The following ESYT3 variants were observed in gnomAD, a reference collection of about 807,000 sequenced individuals.
ESYT3 encodes extended synaptotagmin 3, also known as extended synaptotagmin-3.
ESYT3 carries 101 observed loss-of-function variants against 111.5 expected under a neutral mutation model. The ratio of observed to expected loss-of-function variants is 0.91; its 90% CI spans 0.77 to 1.07. ESYT3 has a LOEUF of 1.07. ESYT3 is among the 50% of genes least tolerant of loss of function. The pLI, the probability that ESYT3 is intolerant of heterozygous loss-of-function variation, is 0.00. For synonymous variants in ESYT3, 416 were observed against 446.8 expected (o/e 0.93, Z 0.87); for missense variants, 1,097 against 1,109.4 (o/e 0.99, Z 0.16).
chr3:138,481,046 A>AT (rs1381797370), downstream of ESYT3: 1 of 152,250 alleles, frequency 6.6e-6, no homozygotes, highest in African/African-American at 2.4e-5. Flanking sequence ...AAAATACGAA[A>AT]TGGTCCTTTA....
At chr3:138,469,924 C>A in intron 15 of ESYT3, 136 bp from the exon 16 acceptor site, 1 of 618,250 alleles carries the variant, frequency 1.6e-6, no homozygotes, top group Non-Finnish European at 2.7e-6. Flanking sequence ...CTAGCTGTAG[C>A]GTGTTTGGGT....
intron 7 of ESYT3, among the ~76,000 whole-genome samples, chr3:138,461,871 G>A (rs1445254434): frequency 6.6e-6 from 1 of 152,134 alleles, no homozygotes; most frequent in Non-Finnish European, 1.5e-5. Flanking sequence ...AGTTGGGGAC[G>A]TGTAGGTGGG....
chr3:138,438,725 C>T (rs983551872), intron 1 of ESYT3, among the ~76,000 whole-genome samples: 1 of 152,174 alleles, frequency 6.6e-6, no homozygotes, highest in African/African-American at 2.4e-5. Flanking sequence ...TCATTTTGGC[C>T]CTGATGTCTG....
chr3:138,467,118 T>C (rs2032967319), intron 10 of ESYT3, among the ~76,000 whole-genome samples: 2 of 152,060 alleles, frequency 1.3e-5, no homozygotes, highest in South Asian at 4.2e-4. Context: ...TGGGGTAGAT[T>C]TGGAAATGAA....
chr3:138,446,054 G>C (rs1344592365), intron 1 of ESYT3, among the ~76,000 whole-genome samples: 2 of 152,194 alleles, frequency 1.3e-5, no homozygotes, highest in Non-Finnish European at 2.9e-5. Context: ...ACTAGTCTCT[G>C]AGTCTCCTCA....
chr3:138,451,757 C>T (rs1207410947), intron 1 of ESYT3, among the ~76,000 whole-genome samples: 1 of 152,242 alleles, frequency 6.6e-6, no homozygotes, highest in East Asian at 1.9e-4. Context: ...AACGCCCACG[C>T]GAGCCTTGGA....
At chr3:138,436,288 T>C (rs2030681409) in intron 1 of ESYT3, among the ~76,000 whole-genome samples, 1 of 152,226 alleles carries the variant, frequency 6.6e-6, no homozygotes, top group South Asian at 2.1e-4. Context: ...CTGCGGCCTC[T>C]GCTGGCTTGC....
chr3:138,443,774 G>C (rs2031338887), intron 1 of ESYT3, among the ~76,000 whole-genome samples: 1 of 149,598 alleles, frequency 6.7e-6, no homozygotes, highest in African/African-American at 2.5e-5. Flanking sequence ...TGCTCCATGG[G>C]AGAGCTGCCA....
rs557109491 is a variant in ESYT3 at position 138,463,091 on chromosome 3, G to A, written c.915+885G>A. Among the ~76,000 whole-genome samples the A allele has an allele frequency of 2.2e-4, 33 of 152,034 alleles. No individual in the cohort carries two copies. In the South Asian group the frequency reaches 6.7e-3, roughly 31 times the overall value. ...TTCCCCAGCATGCTTTTTTTTGGGC[G>A]GTGGGTGTGAAGGGAGGTGGTGGCG... On this transcript the variant is annotated intron_variant, in intron 8 of 22. Coordinates refer to ENST00000389567, the MANE Select transcript of ESYT3 (RefSeq NM_031913.5).
At chr3:138,475,869 T>G (rs927247019) in intron 20 of ESYT3, among the ~76,000 whole-genome samples, 2 of 152,180 alleles carry the variant, frequency 1.3e-5, no homozygotes, top group African/African-American at 4.8e-5. Flanking sequence ...GAGGTTGCGG[T>G]GAGCCAAGAT....
At chr3:138,443,641 C>T (rs1560212053) in intron 1 of ESYT3, among the ~76,000 whole-genome samples, 1 of 152,116 alleles carries the variant, frequency 6.6e-6, no homozygotes, top group African/African-American at 2.4e-5. Context: ...TTTTAGGAAA[C>T]TGTGTGTGTC....
At chr3:138,480,645 T>A (rs1200734604), downstream of ESYT3, 6 of 152,208 alleles carry the variant, frequency 3.9e-5, no homozygotes, top group Admixed American at 1.3e-4. Flanking sequence ...TAAAACTTTT[T>A]AAATAAATGT....
intron 5 of ESYT3, 100 bp downstream of exon 5, chr3:138,459,353 G>T: frequency 1.1e-6 from 1 of 933,874 alleles, no homozygotes; most frequent in Non-Finnish European, 1.6e-6. Flanking sequence ...AGAAGGTGGT[G>T]GCAACACTAA....
At chr3:138,470,169 G>C in intron 16 of ESYT3, 23 bp downstream of exon 16, 1 of 1,607,806 alleles carries the variant, frequency 6.2e-7, no homozygotes, top group South Asian at 1.1e-5. Context: ...AAGGGCTCTT[G>C]AAACAGAGTT....
chr3:138,446,660 C>A (rs771395478), intron 1 of ESYT3, among the ~76,000 whole-genome samples: 24 of 152,054 alleles, frequency 1.6e-4, no homozygotes, highest in Non-Finnish European at 2.9e-4. Context: ...GAGGCTGAGG[C>A]AGGTGGATGG....
At chr3:138,441,224 C>T (rs1019809451) in intron 1 of ESYT3, among the ~76,000 whole-genome samples, 2 of 152,166 alleles carry the variant, frequency 1.3e-5, no homozygotes, top group African/African-American at 2.4e-5. Flanking sequence ...ATAATACCTG[C>T]GCTCACATGA....
chr3:138,470,262 TTGTA>T (rs898459457), intron 16 of ESYT3, 116 bp downstream of exon 16: 10 of 1,417,224 alleles, frequency 7.1e-6, no homozygotes, highest in Middle Eastern at 2.5e-4. Flanking sequence ...AGTCAGCCCC[TTGTA>T]TGTAAGAGAG....
Position 138,462,104 on chromosome 3 carries a change from A to G in ESYT3, c.813A>G (p.Leu271=), listed in dbSNP as rs1272311645. 4 of 1,614,028 alleles carry G rather than the reference A, an allele frequency of 2.5e-6. No individual in the cohort carries two copies. The highest frequency in any genetic ancestry group is 3.3e-5 in the Admixed American group (2 of 60,000). Residue 271 remains leucine (L), a synonymous_variant, in exon 8 of 23, where the codon TTA becomes TTG. Transcript: ENST00000389567. ...TGTCCAGTGATGTGTCAGACAGCTT[A>G]CTGGAGGACCTCATTGCCACCCACC... is the stretch of plus-strand genomic sequence containing the variant. ...APGINDVSDS[L]LEDLIATHLV...
In ESYT3 at chr3:138,434,624, A is replaced by C. The variant is rs1176869064; in HGVS notation, c.-175A>C. On this transcript the variant is annotated 5_prime_UTR_variant, in exon 1 of 23. Coordinates refer to ENST00000389567, the MANE Select transcript of ESYT3 (RefSeq NM_031913.5). ...GCGCGGCGCGGCGCGGTGCATTTCC[A>C]GGCGCTGCTCTCCGTCGCAGAGAAC... The C allele has an allele frequency of 3.4e-6, 2 of 587,200 alleles. No homozygotes were observed. The highest frequency in any genetic ancestry group is 5.7e-6 in the Non-Finnish European group (2 of 353,010). 36.4% of individuals were successfully genotyped at this position (587,200 alleles called of 1,614,324 possible). A position where few individuals can be genotyped will look rare whatever the true frequency, so the allele number is the denominator to read the frequency against.
Sources: allele counts gnomAD v4.1 joint callset (sites outside exome capture counted in the v4.1 genomes callset), GRCh38; gene constraint gnomAD v4.1.1; transcripts MANE v1.5; gene names NCBI Gene and HGNC (gene_info 2026-07-23, HGNC 2026-07-21).